HMGB1: variants seen among roughly 807,000 people sequenced by gnomAD.
The protein encoded by HMGB1 is high mobility group protein B1.
For synonymous variants in HMGB1, 81 were observed against 84.0 expected, an observed-to-expected ratio of 0.96 and a Z score of 0.19; for missense variants, 79 against 253.5, an observed-to-expected ratio of 0.31 and a Z score of 4.67.
intron 1 of HMGB1, chr13:30,553,690 G>C (rs1415573994): frequency 9.3e-6 from 8 of 863,540 alleles, no homozygotes; most frequent in African/African-American, 1.7e-5. Flanking sequence ...ATCATTGAGC[G>C]GGAGTTCAAG....
chr13:30,487,792 G>A (rs2137437528), intron 1 of HMGB1, among the ~76,000 whole-genome samples: 1 of 152,278 alleles, frequency 6.6e-6, no homozygotes, highest in South Asian at 2.1e-4. Context: ...GAACCCTTAA[G>A]AATGGGAAAA....
intron 1 of HMGB1, chr13:30,464,795 G>C (rs1306095909): frequency 5.0e-6 from 1 of 199,484 alleles, no homozygotes; most frequent in Non-Finnish European, 8.7e-6. Flanking sequence ...GTGTATGAGA[G>C]AGTGTGTGAG....
intron 1 of HMGB1, among the ~76,000 whole-genome samples, chr13:30,591,711 A>G (rs1871381234): frequency 6.6e-6 from 1 of 152,094 alleles, no homozygotes; most frequent in Non-Finnish European, 1.5e-5. Context: ...CATGTTGCCC[A>G]GGCTGGTCTT....
At chr13:30,538,510 C>CTTTCTTTATTTCTTTCTTTCTTT (rs1164550479) in intron 1 of HMGB1, among the ~76,000 whole-genome samples, 7 of 82,224 alleles carry the variant, frequency 8.5e-5, no homozygotes, top group African/African-American at 6.0e-4. Flanking sequence ...TTCTTTCTTT[C>CTTTCTTTATTTCTTTCTTTCTTT]CTTTCTTTCT....
At chr13:30,471,654 CTTTTTTTTTTTTTTTTTTT>C (rs1171119586) in intron 1 of HMGB1, among the ~76,000 whole-genome samples, 1 of 30,568 alleles carries the variant, frequency 3.3e-5, no homozygotes, top group Non-Finnish European at 5.7e-5. Flanking sequence ...CGTGCCCGGC[CTTTTTTTTTTTTTTTTTTT>C]TTTTTTTTTT....
At chr13:30,616,581 A>C (rs1036295084) in intron 1 of HMGB1, 3 of 152,238 alleles carry the variant, frequency 2.0e-5, no homozygotes, top group Non-Finnish European at 4.4e-5. Flanking sequence ...ATCACAATTC[A>C]TAAAAAAGAA....
At chr13:30,586,728 G>C (rs1871171204) in intron 1 of HMGB1, among the ~76,000 whole-genome samples, 1 of 151,792 alleles carries the variant, frequency 6.6e-6, no homozygotes, top group Non-Finnish European at 1.5e-5. Flanking sequence ...CAGGTGATCT[G>C]CCCACCTTGG....
intron 1 of HMGB1, among the ~76,000 whole-genome samples, chr13:30,546,246 G>C (rs530602650): frequency 8.7e-4 from 133 of 152,274 alleles, no homozygotes; most frequent in African/African-American, 2.9e-3. Flanking sequence ...CTCCCGAGTA[G>C]CTGGGACTAC....
intron 1 of HMGB1, 166 bp from the exon 2 acceptor site, chr13:30,463,860 G>T (rs1886519640): frequency 8.7e-6 from 5 of 577,284 alleles, no homozygotes; most frequent in African/African-American, 1.9e-5. Context: ...TAAATTCCTT[G>T]AAGGGGCTAT....
At chr13:30,533,070 C>T (rs1344003226) in intron 1 of HMGB1, among the ~76,000 whole-genome samples, 1 of 152,164 alleles carries the variant, frequency 6.6e-6, no homozygotes, top group Non-Finnish European at 1.5e-5. Context: ...AGCTTCACAC[C>T]CAGGTCCAGC....
intron 1 of HMGB1, among the ~76,000 whole-genome samples, chr13:30,494,556 T>G (rs1887569163): frequency 6.6e-6 from 1 of 152,216 alleles, no homozygotes; most frequent in Admixed American, 6.5e-5. Context: ...AGACAGGGTT[T>G]CTTCATGTTG....
chr13:30,491,750 A>G (rs1323685350), intron 1 of HMGB1, among the ~76,000 whole-genome samples: 1 of 152,230 alleles, frequency 6.6e-6, no homozygotes, highest in Non-Finnish European at 1.5e-5. Context: ...GCGAGACCTA[A>G]GGGTACAATC....
intron 1 of HMGB1, among the ~76,000 whole-genome samples, chr13:30,555,037 T>TTG (rs1318768456): frequency 7.6e-6 from 1 of 131,196 alleles, no homozygotes. Flanking sequence ...CGTTGTGTTT[T>TTG]TTTTTTTTTT....
chr13:30,586,050 C>G (rs1184447801), intron 1 of HMGB1, among the ~76,000 whole-genome samples: 2 of 152,108 alleles, frequency 1.3e-5, no homozygotes, highest in Admixed American at 1.3e-4. Context: ...CAGACACCTC[C>G]TGTTTTCTAA....
At chr13:30,597,438 A>C (rs1178677887) in intron 1 of HMGB1, among the ~76,000 whole-genome samples, 1 of 152,200 alleles carries the variant, frequency 6.6e-6, no homozygotes, top group East Asian at 1.9e-4. Flanking sequence ...AGTCTTCAGA[A>C]CCGTAAGAAA....
intron 1 of HMGB1, among the ~76,000 whole-genome samples, chr13:30,525,130 A>G (rs1459291828): frequency 6.6e-6 from 1 of 152,208 alleles, no homozygotes; most frequent in African/African-American, 2.4e-5. Flanking sequence ...CATGTATAAA[A>G]TGGCAAAAAT....
intron 1 of HMGB1, chr13:30,553,862 T>C: frequency 1.5e-6 from 2 of 1,327,532 alleles, no homozygotes; most frequent in East Asian, 2.3e-5. Context: ...TGCAGAATAC[T>C]GAGAATGATT....
chr13:30,537,251 C>T (rs867343474), intron 1 of HMGB1, among the ~76,000 whole-genome samples: 9 of 152,112 alleles, frequency 5.9e-5, no homozygotes, highest in Admixed American at 3.9e-4. Flanking sequence ...CGTCACCCAG[C>T]CACAACCAAA....
At chr13:30,478,410 TA>T (rs1011434195) in intron 1 of HMGB1, among the ~76,000 whole-genome samples, 6 of 152,236 alleles carry the variant, frequency 3.9e-5, no homozygotes, top group African/African-American at 1.4e-4. Context: ...GGAAACAACC[TA>T]GATGTCCAAT....
Sources: gnomAD v4.1 joint callset for allele counts (sites outside exome capture counted in the v4.1 genomes callset) on GRCh38, gnomAD v4.1.1 for gene constraint, MANE v1.5 for transcripts, NCBI Gene and HGNC (gene_info 2026-07-23, HGNC 2026-07-21) for gene names.